ZNF385C: variants seen among roughly 807,000 people sequenced by gnomAD.
ZNF385C encodes the protein CTD-2132N18.2.
Under a neutral mutation model 35.4 loss-of-function variants are expected in ZNF385C, and 28 were observed. The observed-to-expected ratio is 0.79, with a 90% CI of 0.59 to 1.08. The LOEUF is 1.08. Among genes scored for constraint, ZNF385C ranks in the 50% least tolerant of loss-of-function variants. The pLI, the probability that ZNF385C is intolerant of heterozygous loss-of-function variation, is 0.00. For missense variants in ZNF385C, 605 were observed against 595.6 expected (o/e 1.02, Z -0.16); for synonymous variants, 248 against 248.2 (o/e 1.00, Z 0.01).
At chr17:42,030,516 C>A (rs566129483) in intron 5 of ZNF385C, among the ~76,000 whole-genome samples, 27 of 151,888 alleles carry the variant, frequency 1.8e-4, no homozygotes, top group Admixed American at 3.9e-4. Context: ...ACAAAAAAAA[C>A]CCACAAAACA....
intron 1 of ZNF385C, among the ~76,000 whole-genome samples, chr17:42,090,482 A>G (rs1324118276): frequency 6.6e-5 from 10 of 150,660 alleles, no homozygotes; most frequent in African/African-American, 2.4e-4. Flanking sequence ...ATGGGTTTTC[A>G]CCATGTTGGC....
intron 1 of ZNF385C, among the ~76,000 whole-genome samples, chr17:42,076,936 C>T (rs2053692575): frequency 6.6e-6 from 1 of 152,126 alleles, no homozygotes; most frequent in Non-Finnish European, 1.5e-5. Context: ...GTGAGGGATT[C>T]AGGCCCCTTA....
At chr17:42,031,575 G>C (rs1331160725) in intron 5 of ZNF385C, 44 bp downstream of exon 5, 15 of 1,521,760 alleles carry the variant, frequency 9.9e-6, no homozygotes, top group Non-Finnish European at 1.3e-5. Flanking sequence ...TCGGAAACCA[G>C]ATTTGGAGTG....
At chr17:42,041,095 G>A (rs1297329393) in intron 2 of ZNF385C, 5 of 1,232,218 alleles carry the variant, frequency 4.1e-6, no homozygotes, top group South Asian at 4.1e-5. Flanking sequence ...GTGTGACTCC[G>A]GCCAGTCTCT....
At chr17:42,079,633 T>G (rs1474917103) in intron 1 of ZNF385C, among the ~76,000 whole-genome samples, 22 of 151,776 alleles carry the variant, frequency 1.4e-4, no homozygotes, top group African/African-American at 5.3e-4. Flanking sequence ...GATACTGCAC[T>G]CCAGCCTGGG....
chr17:42,053,913 T>G (rs2053329313), intron 2 of ZNF385C, among the ~76,000 whole-genome samples: 2 of 147,246 alleles, frequency 1.4e-5, no homozygotes. Context: ...CCAGCCAGAG[T>G]GACAGAGGGA....
At chr17:42,055,854 G>A (rs2053367752) in intron 2 of ZNF385C, among the ~76,000 whole-genome samples, 1 of 152,144 alleles carries the variant, frequency 6.6e-6, no homozygotes, top group African/African-American at 2.4e-5. Flanking sequence ...TGGAGGGACC[G>A]ATTCAAACAG....
At chr17:42,056,814 G>C (rs34250798) in intron 2 of ZNF385C, among the ~76,000 whole-genome samples, 1 of 152,032 alleles carries the variant, frequency 6.6e-6, no homozygotes, top group Non-Finnish European at 1.5e-5. Context: ...CATGTGAGAC[G>C]TGCCTTTCAC....
intron 2 of ZNF385C, chr17:42,043,702 G>A (rs1447820107): frequency 8.3e-6 from 2 of 239,618 alleles, no homozygotes; most frequent in African/African-American, 4.5e-5. Flanking sequence ...AGGGGCTCTG[G>A]GCAGTGGGTG....
chr17:42,087,909 C>T (rs781833607), intron 1 of ZNF385C, among the ~76,000 whole-genome samples: 9 of 152,196 alleles, frequency 5.9e-5, no homozygotes, highest in Admixed American at 1.3e-4. Flanking sequence ...ACCCCCACTA[C>T]CTATATATAA....
At position 42,097,960 on chromosome 17, in the gene ZNF385C, G is replaced by A. The variant is rs571221970; in HGVS notation, c.-3+450C>T. 2.2e-4 allele frequency among the ~76,000 whole-genome samples: 34 copies of A among 152,308 alleles called. 1 individual carries two copies. The South Asian group carries it at 7.0e-3, about 32-fold the overall frequency. ...AAATCCCAGGCCCCAGCTCAGCTAT[G>A]CGGCGGCTTTTACCTCATTAGCCCA... On this transcript the variant is annotated intron_variant, in intron 1 of 8. Transcript: ENST00000692273.
At chr17:42,031,555 CA>C in intron 5 of ZNF385C, 63 bp downstream of exon 5, 1 of 1,506,192 alleles carries the variant, frequency 6.6e-7, no homozygotes. Flanking sequence ...AGAAATCTCT[CA>C]ACCCCTTGTC....
chr17:42,027,812 C>G (rs2052627890), intron 7 of ZNF385C, 84 bp from the exon 8 acceptor site: 1 of 1,411,164 alleles, frequency 7.1e-7, no homozygotes. Flanking sequence ...TCCCCTTCCT[C>G]TATCCACAGC....
At chr17:42,039,885 C>A in intron 2 of ZNF385C, 1 of 1,231,552 alleles carries the variant, frequency 8.1e-7, no homozygotes, top group East Asian at 3.2e-5. Context: ...TGCGGCCGAC[C>A]TTGTCCAGCA....
chr17:42,076,050 C>T (rs1386480379), intron 1 of ZNF385C, among the ~76,000 whole-genome samples: 11 of 152,150 alleles, frequency 7.2e-5, no homozygotes, highest in African/African-American at 2.7e-4. Context: ...AGGCCCAGAC[C>T]GTATGTTTGG....
chr17:42,059,062 AT>A (rs2053422518), intron 2 of ZNF385C, among the ~76,000 whole-genome samples: 1 of 152,192 alleles, frequency 6.6e-6, no homozygotes, highest in Non-Finnish European at 1.5e-5. Context: ...TGGGAGGGTC[AT>A]GGCCCAGGGC....
chr17:42,094,688 C>G (rs1238972728), intron 1 of ZNF385C, among the ~76,000 whole-genome samples: 1 of 152,180 alleles, frequency 6.6e-6, no homozygotes, highest in Non-Finnish European at 1.5e-5. Flanking sequence ...GAGAACTACA[C>G]AAGGACAGAC....
chr17:42,063,204 G>A (rs562855819), intron 1 of ZNF385C, 146 bp from the exon 2 acceptor site: 7 of 477,990 alleles, frequency 1.5e-5, no homozygotes, highest in South Asian at 1.1e-4. Flanking sequence ...GTGGAAGGGC[G>A]CATAATGGGG....
At chr17:42,064,577 C>G (rs1241486146) in intron 1 of ZNF385C, among the ~76,000 whole-genome samples, 1 of 152,000 alleles carries the variant, frequency 6.6e-6, no homozygotes, top group East Asian at 1.9e-4. Context: ...TTATTTTTTT[C>G]AAGATGGAGT....
Sources: gnomAD v4.1 joint callset for allele counts (sites outside exome capture counted in the v4.1 genomes callset) on GRCh38, gnomAD v4.1.1 for gene constraint, MANE v1.5 for transcripts, NCBI Gene and HGNC (gene_info 2026-07-23, HGNC 2026-07-21) for gene names.